INSIG1: variants seen among roughly 807,000 people sequenced by gnomAD.
INSIG1 encodes the protein insulin-induced gene 1 protein.
Under a neutral mutation model 26.5 loss-of-function variants are expected in INSIG1, and 14 were observed. The observed-to-expected ratio is 0.53, with a 90% confidence interval of 0.35 to 0.83. The LOEUF is 0.83. Ranked by LOEUF, INSIG1 falls within the 40% of genes least tolerant of loss-of-function variation. The probability of loss-of-function intolerance (pLI) is 0.01; values close to 1 mark genes in which losing one functional copy is unlikely to be tolerated. For synonymous variants in INSIG1, 147 were observed against 153.3 expected (o/e 0.96, Z 0.30); for missense variants, 272 against 368.9 (o/e 0.74, Z 2.15).
chr7:155,299,880 C>A (rs1222801614), intron 2 of INSIG1, among the ~76,000 whole-genome samples: 3 of 152,204 alleles, frequency 2.0e-5, no homozygotes, highest in Non-Finnish European at 4.4e-5. Context: ...GTGTCTCCTG[C>A]ACTGTGGAAA....
rs1250801573 is a variant in INSIG1, at chr7:155,309,016, G to A, written c.*746G>A. 6.6e-6 allele frequency: 1 copy of A among 152,574 alleles called. No homozygotes were observed. The highest frequency in any genetic ancestry group is 2.4e-5 in the African/African-American group (1 of 41,416). 9.5% of individuals were successfully genotyped at this position (152,574 alleles called of 1,614,324 possible). On this transcript the variant is annotated 3_prime_UTR_variant, in exon 6 of 6. Transcript: ENST00000340368. ...CACCTCAGTTTATGAAGTTTATTTC[G>A]AAATCCATAGTCATCTAAGAATGAA...
At chr7:155,305,574 A>G (rs1332231809) in intron 5 of INSIG1, among the ~76,000 whole-genome samples, 4 of 152,348 alleles carry the variant, frequency 2.6e-5, no homozygotes, top group African/African-American at 7.2e-5. Flanking sequence ...ACCTACACCA[A>G]GTAAGGCTTT....
rs886506117 is a variant in INSIG1, at chr7:155,310,205, T to C, written c.*1935T>C. The C allele has an allele frequency of 1.7e-4, 26 of 152,776 alleles. No individual in the cohort carries two copies. Among genetic ancestry groups the C allele is most frequent in the African/African-American group, 5.5e-4 (23 of 41,594 alleles). 9.5% of individuals were successfully genotyped at this position (152,776 alleles called of 1,614,324 possible). A position where few individuals can be genotyped will look rare whatever the true frequency, so the allele number is the denominator to read the frequency against. ...CAACATTGTGTTCTTTTTGCATTCA[T>C]TTTTTACTTTTATTAAAGGTTCAAA... On this transcript the variant is annotated 3_prime_UTR_variant, in exon 6 of 6. Transcript: ENST00000340368.
intron 2 of INSIG1, among the ~76,000 whole-genome samples, 172 bp downstream of exon 2, chr7:155,298,869 AC>A (rs1336192099): frequency 2.0e-5 from 3 of 152,212 alleles, no homozygotes; most frequent in Non-Finnish European, 4.4e-5. Context: ...AGGACCTGGC[AC>A]CCCCGAGGGC....
intron 3 of INSIG1, 41 bp downstream of exon 3, chr7:155,301,731 A>G (rs374086241): frequency 1.3e-6 from 2 of 1,490,946 alleles, no homozygotes; most frequent in African/African-American, 2.8e-5. Context: ...GTATCTTCTT[A>G]GGTTATATAT....
rs967645802 is a variant in INSIG1, at chr7:155,302,816, G to A, written c.774G>A (p.Thr258=). The change falls in exon 5 of 6, where the codon ACG becomes ACA. Residue 258 remains threonine (T), a synonymous_variant. Transcript: ENST00000340368. This position sits in a 1 kb window ranked among gnomAD's most constrained non-coding sequence, Gnocchi z 4.3. ...LPCIFFSGGV[T]VGNIGRQLAM... ...GTATATTTTTCTCAGGAGGCGTCACGGTGGGGAACATAGGACGACAGTTAG... is the reference window on the plus strand; with the variant it reads ...GTATATTTTTCTCAGGAGGCGTCACAGTGGGGAACATAGGACGACAGTTAG... The A allele has an allele frequency of 3.1e-6, 5 of 1,611,006 alleles. No individual in the cohort carries two copies. Among genetic ancestry groups the A allele is most frequent in the East Asian group, 4.5e-5 (2 of 44,852 alleles).
In INSIG1 at chr7:155,297,979, A is replaced by C; in HGVS notation, c.-28+20A>C. 2 of 242,438 alleles carry C rather than the reference A, an allele frequency of 8.2e-6. No individual in the cohort carries two copies. Among genetic ancestry groups the C allele is most frequent in the Non-Finnish European group, 7.9e-6 (1 of 126,762 alleles). The allele number at this position is 242,438 out of a possible 1,614,324, so 15.0% of individuals were successfully genotyped here. A position where few individuals can be genotyped will look rare whatever the true frequency, so the allele number is the denominator to read the frequency against. ...GGCCAGGTACGCGGCCGGCTGGGAT[A>C]GGGGTCGCGGGCGGGCTTTGGTCGC... On this transcript the variant is annotated intron_variant, in intron 1 of 5. Transcript: ENST00000340368.
chr7:155,301,788 T>C, intron 3 of INSIG1, 98 bp downstream of exon 3: 1 of 1,180,268 alleles, frequency 8.5e-7, no homozygotes, highest in Non-Finnish European at 1.1e-6. Context: ...CATGTCATAA[T>C]ACAGACATGA....
intron 5 of INSIG1, among the ~76,000 whole-genome samples, chr7:155,307,334 G>A (rs537065963): frequency 2.0e-5 from 3 of 152,172 alleles, no homozygotes; most frequent in South Asian, 2.1e-4. Flanking sequence ...AGTAATCTCC[G>A]TCATTGCTGA....
chr7:155,302,228 T>C lies in INSIG1; in HGVS notation c.538-23T>C, dbSNP rs1404573266. ...TATCTTAATAAGAGTCAGCAAACTT[T>C]TCCTTAACTTTTATATCACCAGAAA... On this transcript the variant is annotated intron_variant, in intron 3 of 5. Coordinates refer to ENST00000340368, the MANE Select transcript of INSIG1 (RefSeq NM_005542.6). The surrounding 1 kb of genome is among the most constrained non-coding windows in gnomAD (Gnocchi z 4.3). The C allele has an allele frequency of 1.3e-6, 2 of 1,532,082 alleles. No individual in the cohort carries two copies. The highest frequency in any genetic ancestry group is 2.3e-5 in the Admixed American group (1 of 43,668). The allele number at this position is 1,532,082 out of a possible 1,614,324, so 94.9% of individuals were successfully genotyped here. A position where few individuals can be genotyped will look rare whatever the true frequency, so the allele number is the denominator to read the frequency against.
chr7:155,297,916 C>T lies in INSIG1; in HGVS notation c.-71C>T, dbSNP rs1265551931. 6.5e-5 allele frequency: 11 copies of T among 168,866 alleles called. No individual in the cohort carries two copies. Among genetic ancestry groups the T allele is most frequent in the Non-Finnish European group, 1.4e-4 (11 of 79,558 alleles). The allele number at this position is 168,866 out of a possible 1,614,324, so 10.5% of individuals were successfully genotyped here. On this transcript the variant is annotated 5_prime_UTR_variant, in exon 1 of 6. Coordinates refer to ENST00000340368, the MANE Select transcript of INSIG1 (RefSeq NM_005542.6). ...GCCGTGACTCCTCCTTTCCCCCGCC[C>T]CGCCTCCGTTCGGAGAGCCGGCGGG...
At chr7:155,303,976 CTTTTTTTTTT>C (rs11385167) in intron 5 of INSIG1, 13 of 261,550 alleles carry the variant, frequency 5.0e-5, no homozygotes, top group Non-Finnish European at 6.7e-5. Context: ...CTTTGCTTGC[CTTTTTTTTTT>C]TTTTTTTTTT....
At position 155,308,347 on chromosome 7, in the gene INSIG1, C is replaced by T. The variant is rs369717630; in HGVS notation, c.*77C>T. 9.0e-6 allele frequency: 14 copies of T among 1,558,686 alleles called. No homozygotes were observed. Among genetic ancestry groups the T allele is most frequent in the South Asian group, 2.2e-5 (2 of 89,910 alleles). On this transcript the variant is annotated 3_prime_UTR_variant, in exon 6 of 6. Coordinates refer to ENST00000340368, the MANE Select transcript of INSIG1 (RefSeq NM_005542.6). Reference sequence around the variant, plus strand: ...GACTGTGGATTATGACAAAGATTATCTTTTTTCTTAAGTAATCTATTTAGA... The same window carrying T: ...GACTGTGGATTATGACAAAGATTATTTTTTTTCTTAAGTAATCTATTTAGA...
chr7:155,308,509 G>A lies in INSIG1; in HGVS notation c.*239G>A. On this transcript the variant is annotated 3_prime_UTR_variant, in exon 6 of 6. Transcript: ENST00000340368. ...GCCTGTCTGTGCCCTGGAGCATTCT[G>A]CCCAGGCTACGTGGGTTCAGGCAGG... 1.8e-6 allele frequency: 1 copy of A among 565,728 alleles called. No homozygotes were observed. Among genetic ancestry groups the A allele is most frequent in the Non-Finnish European group, 3.2e-6 (1 of 309,608 alleles). 35.0% of individuals were successfully genotyped at this position (565,728 alleles called of 1,614,324 possible). A position where few individuals can be genotyped will look rare whatever the true frequency, so the allele number is the denominator to read the frequency against.
At chr7:155,303,070 C>T (rs572139059) in intron 5 of INSIG1, 1 of 413,534 alleles carries the variant, frequency 2.4e-6, no homozygotes, top group Non-Finnish European at 4.5e-6. Flanking sequence ...AACTAGAGCC[C>T]TCGCACTGCC....
intron 2 of INSIG1, 124 bp from the exon 3 acceptor site, chr7:155,301,442 A>C: frequency 1.2e-6 from 1 of 809,824 alleles, no homozygotes; most frequent in Non-Finnish European, 1.8e-6. Context: ...CTCTGAAGTT[A>C]TAGCTGATAA....
intron 5 of INSIG1, 68 bp from the exon 6 acceptor site, chr7:155,308,173 G>A (rs537680063): frequency 3.8e-6 from 3 of 797,814 alleles, no homozygotes; most frequent in Non-Finnish European, 6.3e-6. Context: ...TACTTAATTG[G>A]TAATTAAAAT....
chr7:155,300,662 G>A (rs957548796), intron 2 of INSIG1, among the ~76,000 whole-genome samples: 7 of 151,970 alleles, frequency 4.6e-5, no homozygotes, highest in Non-Finnish European at 8.8e-5. Context: ...CTTCTCTTTT[G>A]GAATGCCATT....
At chr7:155,305,649 T>C (rs1283544871) in intron 5 of INSIG1, among the ~76,000 whole-genome samples, 2 of 152,202 alleles carry the variant, frequency 1.3e-5, no homozygotes, top group African/African-American at 4.8e-5. Flanking sequence ...CGAGGCTCAG[T>C]TCAGCACCGG....
Sources: gnomAD v4.1 joint callset for allele counts (sites outside exome capture counted in the v4.1 genomes callset) on GRCh38, gnomAD v4.1.1 for gene constraint, Gnocchi (gnomAD v3.1) non-coding constraint, MANE v1.5 for transcripts, NCBI Gene and HGNC (gene_info 2026-07-23, HGNC 2026-07-21) for gene names.